The following SAMD15 variants were observed in gnomAD, a reference collection of about 807,000 sequenced individuals.
SAMD15 encodes sterile alpha motif domain containing 15.
In SAMD15, 37 loss-of-function variants were observed where a neutral mutation model predicts 50.5. The observed-to-expected ratio is 0.73, with a 90% CI of 0.56 to 0.96. SAMD15 has a LOEUF of 0.96. SAMD15 is among the 40% of genes least tolerant of loss of function. SAMD15 has a pLI of 0.00. For synonymous variants in SAMD15, 255 were observed against 282.8 expected, an observed-to-expected ratio of 0.90 and a Z score of 0.99; for missense variants, 789 against 783.8, an observed-to-expected ratio of 1.01 and a Z score of -0.08.
chr14:77,389,025 A>G (rs1197489830), intron 2 of SAMD15, among the ~76,000 whole-genome samples: 1 of 152,032 alleles, frequency 6.6e-6, no homozygotes, highest in African/African-American at 2.4e-5. Context: ...GCTATAGTAC[A>G]CTATAATTGT....
intron 2 of SAMD15, among the ~76,000 whole-genome samples, chr14:77,388,496 G>A (rs149046840): frequency 1.2e-4 from 18 of 151,560 alleles, no homozygotes; most frequent in Middle Eastern, 3.4e-3. Context: ...CCTCACTGCA[G>A]TCTCAAACTC....
At chr14:77,389,623 C>T (rs1205083041) in intron 2 of SAMD15, among the ~76,000 whole-genome samples, 1 of 151,566 alleles carries the variant, frequency 6.6e-6, no homozygotes, top group Non-Finnish European at 1.5e-5. Context: ...GCCTCAGCCT[C>T]CCAAGTAGCT....
chr14:77,378,599 A>T lies in SAMD15; in HGVS notation c.1181A>T (p.Lys394Ile). The T allele has an allele frequency of 1.9e-6, 3 of 1,613,732 alleles. No individual in the cohort carries two copies. The highest frequency in any genetic ancestry group is 2.5e-6 in the Non-Finnish European group (3 of 1,179,972). Reference sequence around the variant, plus strand: ...GAGATCAACCCACAAGTTGAAGAGAAAACACAAACAAAGCCAACTGAGAAA... The same window carrying T: ...GAGATCAACCCACAAGTTGAAGAGATAACACAAACAAAGCCAACTGAGAAA... ...PQEINPQVEE[K>I]TQTKPTEKIL... is the part of the protein sequence containing the mutation. Residue 394 changes from lysine (K) to isoleucine (I), a missense_variant, in exon 1 of 3, where the codon AAA (lysine) becomes ATA (isoleucine). Lys to Ile is a moderately radical substitution (Grantham distance 102, BLOSUM62 -3). Coordinates refer to ENST00000216471, the MANE Select transcript of SAMD15 (RefSeq NM_001010860.4).
Position 77,378,698 on chromosome 14 carries a change from C to T in SAMD15, c.1280C>T (p.Pro427Leu). The change falls in exon 1 of 3, where the codon CCA becomes CTA. Residue 427 changes from proline (P) to leucine (L), a missense_variant. Physicochemically the swap from Pro to Leu is moderately conservative, Grantham distance 98. Transcript: ENST00000216471. ...TTTTCCAAGGAAGACAGGCCAGAAC[C>T]AATAAAGTCTAAGTATTCTGTAGGA... ...VEFSKEDRPE[P>L]IKSKYSVGND... 3 of 1,614,074 alleles carry T rather than the reference C, an allele frequency of 1.9e-6. No individual in the cohort carries two copies. Among genetic ancestry groups the T allele is most frequent in the Non-Finnish European group, 2.5e-6 (3 of 1,180,002 alleles).
chr14:77,380,670 T>C (rs182790399), intron 2 of SAMD15, among the ~76,000 whole-genome samples, 189 bp downstream of exon 2: 1 of 152,172 alleles, frequency 6.6e-6, no homozygotes, highest in Admixed American at 6.5e-5. Context: ...CCAAGAACTG[T>C]CCATTGCTCC....
chr14:77,378,472 C>G lies in SAMD15; in HGVS notation c.1054C>G (p.Gln352Glu), dbSNP rs199872231. ...AACAAATGAGGAAACAATTCTAGAA[C>G]AATCAGAAATGATGAAACCAGAAAG... The part of the protein sequence containing the change: ...RKTNEETILE[Q>E]SEMMKPESPE... The change falls in exon 1 of 3, where the codon CAA (glutamine) becomes GAA (glutamate). Residue 352 changes from glutamine (Q) to glutamate (E), a missense_variant. Physicochemically the swap from Gln to Glu is conservative, Grantham distance 29. Transcript: ENST00000216471. 6.2e-7 allele frequency: 1 copy of G among 1,612,476 alleles called. No individual in the cohort carries two copies. The highest frequency in any genetic ancestry group is 8.5e-7 in the Non-Finnish European group (1 of 1,179,704).
intron 2 of SAMD15, among the ~76,000 whole-genome samples, chr14:77,384,127 C>T (rs1893979105): frequency 6.6e-6 from 1 of 152,126 alleles, no homozygotes; most frequent in Non-Finnish European, 1.5e-5. Context: ...AGTTCACCCA[C>T]AATTTATCCC....
chr14:77,377,823 A>G lies in SAMD15; in HGVS notation c.405A>G (p.Leu135=), dbSNP rs146976090. The change falls in exon 1 of 3, where the codon CTA becomes CTG. Residue 135 remains leucine, a synonymous_variant. Coordinates refer to ENST00000216471, the MANE Select transcript of SAMD15 (RefSeq NM_001010860.4). ...PMDETHKESD[L]EPPEEAKPNV... Reference sequence around the variant, plus strand: ...ATGAAACGCATAAAGAGTCAGACCTAGAGCCACCAGAGGAGGCTAAACCAA... The same window carrying G: ...ATGAAACGCATAAAGAGTCAGACCTGGAGCCACCAGAGGAGGCTAAACCAA... The G allele has an allele frequency of 6.8e-6, 11 of 1,614,068 alleles. No individual in the cohort carries two copies. The African/African-American group carries it at 1.2e-4, about 18-fold the overall frequency.
chr14:77,379,199 G>A (rs940122935), intron 1 of SAMD15, 92 bp downstream of exon 1: 71 of 1,215,606 alleles, frequency 5.8e-5, no homozygotes, highest in East Asian at 2.6e-4. Context: ...CCTCTTTACC[G>A]GAAGGAGTAT....
Position 77,380,462 on chromosome 14 carries a change from C to G in SAMD15, c.1769C>G (p.Thr590Arg). 1 of 1,613,100 alleles carries G rather than the reference C, an allele frequency of 6.2e-7. No homozygotes were observed. The highest frequency in any genetic ancestry group is 8.5e-7 in the Non-Finnish European group (1 of 1,179,092). ...TCAAACCTCCCTCAGATGGGGATAA[C>G]AAACTTTGAGGACATGAAGGTGAGT... ...NCSNLPQMGI[T>R]NFEDMKAISR... The change falls in exon 2 of 3, where the codon ACA becomes AGA. Residue 590 changes from threonine (T) to arginine (R), a missense_variant. Thr to Arg is a moderately conservative substitution (Grantham distance 71, BLOSUM62 -1). Coordinates refer to ENST00000216471, the MANE Select transcript of SAMD15 (RefSeq NM_001010860.4).
intron 2 of SAMD15, among the ~76,000 whole-genome samples, chr14:77,384,501 G>A (rs575004554): frequency 2.0e-5 from 3 of 152,198 alleles, no homozygotes; most frequent in Non-Finnish European, 4.4e-5. Context: ...CAGTTCTATT[G>A]CTATTTATTT....
At position 77,378,347 on chromosome 14, in the gene SAMD15, C is replaced by G. The variant is rs143624699; in HGVS notation, c.929C>G (p.Pro310Arg). The G allele has an allele frequency of 6.2e-7, 1 of 1,612,676 alleles. No homozygotes were observed. The highest frequency in any genetic ancestry group is 1.3e-5 in the African/African-American group (1 of 74,752). Residue 310 changes from proline to arginine, a missense_variant, in exon 1 of 3, where the codon CCA (proline) becomes CGA (arginine). This residue lies in a region of SAMD15 where 770 missense variants were observed against 745.4 expected (regional missense o/e 1.03). Transcript: ENST00000216471. ...KGTELPERTKPDFPDHKPRKS... is the reference protein window; with the variant it reads ...KGTELPERTKRDFPDHKPRKS... ...ACAGAACTACCTGAGCGGACTAAAC[C>G]AGACTTTCCAGACCACAAGCCAAGA...
intron 2 of SAMD15, among the ~76,000 whole-genome samples, chr14:77,388,642 T>C (rs1894035519): frequency 6.6e-6 from 1 of 151,848 alleles, no homozygotes; most frequent in Non-Finnish European, 1.5e-5. Context: ...GGAATCTCTC[T>C]GCATCACCCA....
rs763947831 is a variant in SAMD15, at chr14:77,379,198, C to T, written c.1689+91C>T. On this transcript the variant is annotated intron_variant, in intron 1 of 2. Coordinates refer to ENST00000216471, the MANE Select transcript of SAMD15 (RefSeq NM_001010860.4). Reference sequence around the variant, plus strand: ...TTGGCCTGAGCTCTTACCTCTTTACCGGAAGGAGTATCAAAAAGTCCTAGA... The same window carrying T: ...TTGGCCTGAGCTCTTACCTCTTTACTGGAAGGAGTATCAAAAAGTCCTAGA... The T allele has an allele frequency of 9.8e-6, 12 of 1,222,136 alleles. No individual in the cohort carries two copies. In the South Asian group the frequency reaches 1.0e-4, roughly 10 times the overall value. 75.7% of individuals were successfully genotyped at this position (1,222,136 alleles called of 1,614,324 possible). A position where few individuals can be genotyped will look rare whatever the true frequency, so the allele number is the denominator to read the frequency against.
Position 77,377,417 on chromosome 14 carries a change from A to G in SAMD15, c.-2A>G, listed in dbSNP as rs891256869. On this transcript the variant is annotated 5_prime_UTR_variant, in exon 1 of 3. Transcript: ENST00000216471. ...AGCCGCGGCGCGTCTGCTAAGCTGC[A>G]AATGGCTGAAGTCCCGGAGGATTAT... 1 of 1,600,218 alleles carries G rather than the reference A, an allele frequency of 6.2e-7. No homozygotes were observed. The highest frequency in any genetic ancestry group is 1.4e-5 in the African/African-American group (1 of 74,042).
intron 2 of SAMD15, among the ~76,000 whole-genome samples, chr14:77,383,977 C>CA (rs71128618): frequency 0.035 from 2,088 of 58,930 alleles, 183 homozygotes; most frequent in East Asian, 0.16. Flanking sequence ...GACTCAGTCT[C>CA]AAAAAAAAAA....
In SAMD15 at chr14:77,378,239, A is replaced by T. The variant is rs1246637458; in HGVS notation, c.821A>T (p.Glu274Val). Residue 274 changes from glutamate (E) to valine (V), a missense_variant, in exon 1 of 3, where the codon GAG becomes GTG. This residue lies in a region of SAMD15 where 770 missense variants were observed against 745.4 expected (regional missense o/e 1.03). Coordinates refer to ENST00000216471, the MANE Select transcript of SAMD15 (RefSeq NM_001010860.4). ...GAGAAGGAACCAAGAAAGTCTAGTGAGGAGGCAGGTCTAGAGCCTCCAGAA... is the reference window on the plus strand; with the variant it reads ...GAGAAGGAACCAAGAAAGTCTAGTGTGGAGGCAGGTCTAGAGCCTCCAGAA... The part of the protein sequence containing the change: ...FLEKEPRKSS[E>V]EAGLEPPEET... The T allele has an allele frequency of 6.2e-7, 1 of 1,613,984 alleles. No individual in the cohort carries two copies. Among genetic ancestry groups the T allele is most frequent in the Non-Finnish European group, 8.5e-7 (1 of 1,180,000 alleles).
Position 77,391,102 on chromosome 14 carries a change from A to G in SAMD15, c.1883A>G (p.Tyr628Cys). Reference protein sequence around the residue: ...SLPYRDIIGLYLEQKGHTGIK... With the variant: ...SLPYRDIIGLCLEQKGHTGIK... The stretch of plus-strand genomic sequence containing the variant: ...CCCTATAGGGATATTATCGGCTTAT[A>G]TTTAGAGCAAAAAGGTCATACTGGG... The change falls in exon 3 of 3, where the codon TAT becomes TGT. Residue 628 changes from tyrosine (Y) to cysteine (C), a missense_variant. This residue lies in a region of SAMD15 where 770 missense variants were observed against 745.4 expected (regional missense o/e 1.03). Transcript: ENST00000216471. 1 of 1,614,010 alleles carries G rather than the reference A, an allele frequency of 6.2e-7. No homozygotes were observed. Among genetic ancestry groups the G allele is most frequent in the African/African-American group, 1.3e-5 (1 of 75,036 alleles).
At chr14:77,389,114 AAAAC>A (rs573463794) in intron 2 of SAMD15, among the ~76,000 whole-genome samples, 35 of 152,244 alleles carry the variant, frequency 2.3e-4, no homozygotes, top group East Asian at 1.4e-3. Flanking sequence ...ACAAAAAACA[AAAAC>A]AAACAAACAA....
Sources: gnomAD v4.1 joint callset for allele counts (sites outside exome capture counted in the v4.1 genomes callset) on GRCh38, gnomAD v4.1.1 for gene constraint, gnomAD v4.1.1 regional missense constraint, MANE v1.5 for transcripts, NCBI Gene and HGNC (gene_info 2026-07-23, HGNC 2026-07-21) for gene names.